FBXL20: variants seen among roughly 807,000 people sequenced by gnomAD.
FBXL20 encodes the protein F-box/LRR-repeat protein 20.
A neutral mutation model predicts 64.0 loss-of-function variants in FBXL20; 11 were observed. That is an observed-to-expected ratio of 0.17 (90% confidence interval 0.11 to 0.28). FBXL20 has a LOEUF of 0.28. Ranked by LOEUF, FBXL20 falls within the 10% of genes least tolerant of loss-of-function variation. FBXL20 has a pLI of 1.00. For synonymous variants in FBXL20, 184 were observed against 189.0 expected (o/e 0.97, Z 0.22); for missense variants, 303 against 526.2 (o/e 0.58, Z 4.15).
intron 2 of FBXL20, among the ~76,000 whole-genome samples, chr17:39,333,503 A>G (rs1229087416): frequency 6.7e-6 from 1 of 150,282 alleles, no homozygotes; most frequent in Non-Finnish European, 1.5e-5. Context: ...TACAACCTCC[A>G]CCTCCCAGCC....
intron 1 of FBXL20, among the ~76,000 whole-genome samples, chr17:39,386,485 G>A (rs1377755913): frequency 3.3e-5 from 5 of 151,494 alleles, no homozygotes; most frequent in Non-Finnish European, 2.9e-5. Flanking sequence ...TTAGCTGGAA[G>A]TGGTAGCGTG....
At position 39,379,404 on chromosome 17, in the gene FBXL20, G is replaced by A. The variant is rs1326863624; in HGVS notation, c.42+21957C>T. ...ATAGAAATTCTAACTTTGGGAGGCT[G>A]AGGCGAGGGGATCGCCTCAGTTCGA... On this transcript the variant is annotated intron_variant, in intron 1 of 14. Coordinates refer to ENST00000264658, the MANE Select transcript of FBXL20 (RefSeq NM_032875.3). Among the ~76,000 whole-genome samples, 5 of 151,036 alleles carry A rather than the reference G, an allele frequency of 3.3e-5. No homozygotes were observed. The East Asian group carries it at 9.7e-4, about 29-fold the overall frequency.
chr17:39,307,970 CAAAAAAAAA>C (rs141151872), intron 2 of FBXL20, among the ~76,000 whole-genome samples: 1 of 87,604 alleles, frequency 1.1e-5, no homozygotes, highest in Admixed American at 1.3e-4. Context: ...GACATCATTT[CAAAAAAAAA>C]AAAAAAAAAA....
At chr17:39,380,230 C>T (rs1445076046) in intron 1 of FBXL20, among the ~76,000 whole-genome samples, 1 of 152,162 alleles carries the variant, frequency 6.6e-6, no homozygotes, top group Non-Finnish European at 1.5e-5. Context: ...AAAAACAAAT[C>T]TATGAATGTA....
intron 1 of FBXL20, among the ~76,000 whole-genome samples, chr17:39,384,358 C>G (rs907745710): frequency 1.3e-5 from 2 of 151,978 alleles, no homozygotes; most frequent in African/African-American, 4.8e-5. Context: ...AACCCCGTCT[C>G]TATTAAAAAT....
chr17:39,368,554 G>A (rs1262554997), intron 1 of FBXL20, among the ~76,000 whole-genome samples: 3 of 152,090 alleles, frequency 2.0e-5, no homozygotes, highest in Non-Finnish European at 4.4e-5. Context: ...TTTTGTTGCT[G>A]TTCAGTATAC....
chr17:39,355,836 C>T (rs564524274), intron 1 of FBXL20, among the ~76,000 whole-genome samples: 1 of 82,094 alleles, frequency 1.2e-5, no homozygotes, highest in Non-Finnish European at 2.2e-5. Context: ...GCCTGAGGGA[C>T]AAAATCGAGA....
chr17:39,382,890 C>T (rs1173323950), intron 1 of FBXL20, among the ~76,000 whole-genome samples: 1 of 151,796 alleles, frequency 6.6e-6, no homozygotes, highest in Admixed American at 6.6e-5. Flanking sequence ...GGTGCGGTGG[C>T]TCACGCCTGT....
upstream of FBXL20, chr17:39,401,886 C>G (rs1447748743): frequency 1.2e-5 from 5 of 401,100 alleles, no homozygotes; most frequent in Non-Finnish European, 2.0e-5. Context: ...GAAGGCGAGG[C>G]AGGGAAGTGC....
chr17:39,268,687 T>C (rs1311772502), intron 12 of FBXL20, 140 bp downstream of exon 12: 1 of 657,298 alleles, frequency 1.5e-6, no homozygotes, highest in Non-Finnish European at 2.6e-6. Flanking sequence ...GCCTGGAAGA[T>C]ACCTTACTTA....
intron 2 of FBXL20, among the ~76,000 whole-genome samples, chr17:39,323,120 C>T (rs563950485): frequency 5.3e-5 from 8 of 152,246 alleles, no homozygotes; most frequent in African/African-American, 9.6e-5. Context: ...CATGCGCCTG[C>T]CACTGTGCCC....
At position 39,253,264 on chromosome 17, in the gene FBXL20, G is replaced by C. The variant is rs2046666739; in HGVS notation, c.*8196C>G. On this transcript the variant is annotated 3_prime_UTR_variant, in exon 15 of 15. Transcript: ENST00000264658. ...TCACAGTTCTCTGAGCTCTGCACAG[G>C]CCACATTATTCGGATCTGTACTCTC... 6.6e-6 allele frequency: 1 copy of C among 152,374 alleles called. No individual in the cohort carries two copies. The highest frequency in any genetic ancestry group is 1.5e-5 in the Non-Finnish European group (1 of 68,088). 9.4% of individuals were successfully genotyped at this position (152,374 alleles called of 1,614,324 possible).
At chr17:39,401,873 G>A, upstream of FBXL20, 1 of 405,414 alleles carries the variant, frequency 2.5e-6, no homozygotes, top group Non-Finnish European at 3.9e-6. Context: ...GAGCCCATCG[G>A]GAGAAGGCGA....
At position 39,349,589 on chromosome 17, in the gene FBXL20, GA is replaced by G. The variant is rs971162167; in HGVS notation, c.43-6349del. Reference sequence around the variant, plus strand: ...GTAAAACAGTGAGACCCCACCTCTGGAAAAAAAAAATAAGAAAATTCCACAC... The same window carrying G: ...GTAAAACAGTGAGACCCCACCTCTGGAAAAAAAAATAAGAAAATTCCACAC... On this transcript the variant is annotated intron_variant, in intron 1 of 14. Coordinates refer to ENST00000264658, the MANE Select transcript of FBXL20 (RefSeq NM_032875.3). 1.4e-4 allele frequency among the ~76,000 whole-genome samples: 20 copies of G among 147,092 alleles called. No homozygotes were observed. The East Asian group carries it at 3.0e-3, about 22-fold the overall frequency.
chr17:39,289,998 CAAAAAAA>C (rs368530587), intron 6 of FBXL20, among the ~76,000 whole-genome samples: 47 of 41,872 alleles, frequency 1.1e-3, no homozygotes, highest in Admixed American at 4.3e-3. Flanking sequence ...GACTCAGTCT[CAAAAAAA>C]AAAAAAAAAA....
chr17:39,402,168 C>G (rs1180584678), upstream of FBXL20: 1 of 1,232,722 alleles, frequency 8.1e-7, no homozygotes, highest in Admixed American at 4.2e-5. Flanking sequence ...TCCCCTGTCA[C>G]TCACTGTCGC....
rs761177415 is a variant in FBXL20, at chr17:39,258,323, A to G, written c.*3137T>C. ...AACTTACCATGCTTTGTGTTCTCTC[A>G]AAGTCCTAGCATATTCATCAGCTGG... is the stretch of plus-strand genomic sequence containing the variant. On this transcript the variant is annotated 3_prime_UTR_variant, in exon 15 of 15. Transcript: ENST00000264658. The G allele has an allele frequency of 6.6e-6, 1 of 152,246 alleles. No individual in the cohort carries two copies. The highest frequency in any genetic ancestry group is 1.5e-5 in the Non-Finnish European group (1 of 68,048). The allele number at this position is 152,246 out of a possible 1,614,324, so 9.4% of individuals were successfully genotyped here.
intron 1 of FBXL20, among the ~76,000 whole-genome samples, chr17:39,349,324 CAAAAAAAAAAAAAAA>C (rs1170336581): frequency 1.5e-4 from 6 of 40,518 alleles, no homozygotes; most frequent in Non-Finnish European, 2.1e-4. Context: ...GATTCCATCT[CAAAAAAAAAAAAAAA>C]AAAAAAAAAA....
At chr17:39,266,065 CTTTTTTTT>C (rs34822405) in intron 12 of FBXL20, among the ~76,000 whole-genome samples, 1 of 62,734 alleles carries the variant, frequency 1.6e-5, no homozygotes, top group Non-Finnish European at 3.0e-5. Context: ...CTCATTCATT[CTTTTTTTT>C]TTTTTTTTTT....
Sources: allele counts gnomAD v4.1 joint callset (sites outside exome capture counted in the v4.1 genomes callset), GRCh38; gene constraint gnomAD v4.1.1; transcripts MANE v1.5; gene names NCBI Gene and HGNC (gene_info 2026-07-23, HGNC 2026-07-21).